Variants in ANXA4 observed in about 807,000 individuals in gnomAD.
ANXA4 encodes the protein annexin A4, also known as 35-beta calcimedin.
In ANXA4, 39 loss-of-function variants were observed where a neutral mutation model predicts 49.8. The observed-to-expected ratio is 0.78, with a 90% CI of 0.61 to 1.02. ANXA4 has a LOEUF of 1.02. Among genes scored for constraint, ANXA4 ranks in the 50% least tolerant of loss-of-function variants. ANXA4 has a pLI of 0.00. For missense variants in ANXA4, 360 were observed against 410.1 expected (o/e 0.88, Z 1.05); for synonymous variants, 134 against 152.5 (o/e 0.88, Z 0.89).
intron 4 of ANXA4, 144 bp from the exon 5 acceptor site, chr2:69,806,241 T>A: frequency 1.7e-6 from 1 of 605,030 alleles, no homozygotes; most frequent in East Asian, 2.8e-5. Context: ...GCAAATAACA[T>A]CTGAGTGTTA....
chr2:69,815,765 C>G, intron 8 of ANXA4: 1 of 233,012 alleles, frequency 4.3e-6, no homozygotes. Context: ...TATTTAATTT[C>G]AATTAACATT....
intron 3 of ANXA4, among the ~76,000 whole-genome samples, chr2:69,723,015 AC>A: frequency 7.6e-6 from 1 of 131,686 alleles, no homozygotes; most frequent in South Asian, 2.3e-4. Flanking sequence ...TACTAAAAAT[AC>A]CAAAAAATAT....
At chr2:69,799,326 TATTAAGACCCACTG>T (rs1206478754) in intron 3 of ANXA4, among the ~76,000 whole-genome samples, 1 of 152,182 alleles carries the variant, frequency 6.6e-6, no homozygotes, top group African/African-American at 2.4e-5. Context: ...GGAATGTGCT[TATTAAGACCCACTG>T]TTTTACTGGG....
chr2:69,781,520 A>G lies in ANXA4; in HGVS notation c.-46A>G. 6.2e-7 allele frequency: 1 copy of G among 1,612,802 alleles called. No individual in the cohort carries two copies. Among genetic ancestry groups the G allele is most frequent in the Non-Finnish European group, 8.5e-7 (1 of 1,179,020 alleles). ...AATTTCCCCTCTGCTTTTATCACAGAAGAACTTCTGCTTGGGTGGCTGAAC... is the reference window on the plus strand; with the variant it reads ...AATTTCCCCTCTGCTTTTATCACAGGAGAACTTCTGCTTGGGTGGCTGAAC... On this transcript the variant is annotated splice_region_variant and 5_prime_UTR_variant, in exon 2 of 13. Transcript: ENST00000394295.
At chr2:69,678,719 C>A (rs533517465) in intron 2 of ANXA4, among the ~76,000 whole-genome samples, 1 of 152,116 alleles carries the variant, frequency 6.6e-6, no homozygotes, top group Non-Finnish European at 1.5e-5. Flanking sequence ...TTTCTACTTT[C>A]AACAGAAATA....
intron 2 of ANXA4, among the ~76,000 whole-genome samples, chr2:69,657,207 C>G (rs1676537395): frequency 1.3e-5 from 2 of 152,002 alleles, no homozygotes; most frequent in South Asian, 2.1e-4. Flanking sequence ...TTTGGCCAGG[C>G]TGGTCTCAAA....
chr2:69,751,162 C>A (rs1670824861), intron 1 of ANXA4, among the ~76,000 whole-genome samples: 2 of 151,732 alleles, frequency 1.3e-5, no homozygotes, highest in Admixed American at 6.6e-5. Flanking sequence ...ACGAGCTTCA[C>A]AGCCAGGATT....
intron 2 of ANXA4, among the ~76,000 whole-genome samples, chr2:69,714,349 C>G (rs1478155256): frequency 7.0e-6 from 1 of 142,136 alleles, no homozygotes; most frequent in Non-Finnish European, 1.6e-5. Context: ...CGGTGAGGAC[C>G]AAATGCATCC....
chr2:69,696,412 T>G (rs1678161553), intron 2 of ANXA4, among the ~76,000 whole-genome samples: 1 of 152,192 alleles, frequency 6.6e-6, no homozygotes, highest in Non-Finnish European at 1.5e-5. Context: ...CTCTTGCTAT[T>G]TTCACCACAT....
At position 69,656,195 on chromosome 2, in the gene ANXA4, A is replaced by G. The variant is rs576540712; in HGVS notation, n.766+2913A>G. 7.3e-3 allele frequency among the ~76,000 whole-genome samples: 1,019 copies of G among 139,302 alleles called. 16 individuals are homozygous for G. The highest frequency in any genetic ancestry group is 0.011 in the Middle Eastern group (3 of 280). 91.4% of individuals were successfully genotyped at this position (139,302 alleles called of 152,430 possible). ...ATAATTAAAATATATATACGTATAT[A>G]TATATATATACACACACATATATAT... On this transcript the variant is annotated intron_variant and non_coding_transcript_variant, in intron 2 of 3. Transcript: ENST00000418066.
At chr2:69,790,710 A>C (rs2103723360) in intron 3 of ANXA4, among the ~76,000 whole-genome samples, 1 of 152,252 alleles carries the variant, frequency 6.6e-6, no homozygotes, top group East Asian at 1.9e-4. Context: ...ATTGCCCAGA[A>C]CTAGAACATG....
At chr2:69,702,235 A>T (rs1384858940) in intron 2 of ANXA4, among the ~76,000 whole-genome samples, 1 of 150,808 alleles carries the variant, frequency 6.6e-6, no homozygotes, top group African/African-American at 2.4e-5. Context: ...CTGGTGTTGA[A>T]CTCCTGACCT....
intron 1 of ANXA4, among the ~76,000 whole-genome samples, chr2:69,763,877 G>T (rs1380313312): frequency 6.6e-6 from 1 of 151,956 alleles, no homozygotes; most frequent in Non-Finnish European, 1.5e-5. Context: ...TGGTCAGGCT[G>T]GTCTCAAACT....
intron 3 of ANXA4, among the ~76,000 whole-genome samples, chr2:69,795,483 G>A (rs935330456): frequency 6.6e-6 from 1 of 152,174 alleles, no homozygotes; most frequent in Non-Finnish European, 1.5e-5. Flanking sequence ...TCCCCATTGG[G>A]TTTTTATGCT....
chr2:69,690,068 T>C (rs939560086), intron 2 of ANXA4, among the ~76,000 whole-genome samples: 1 of 152,216 alleles, frequency 6.6e-6, no homozygotes, highest in African/African-American at 2.4e-5. Context: ...CCTCGTTCTT[T>C]TTTACAGCTG....
chr2:69,662,294 T>A (rs1004990557), intron 2 of ANXA4, among the ~76,000 whole-genome samples: 2 of 152,204 alleles, frequency 1.3e-5, no homozygotes, highest in Admixed American at 1.3e-4. Context: ...GAAAGGATAC[T>A]CCAAGACATC....
intron 3 of ANXA4, among the ~76,000 whole-genome samples, chr2:69,723,680 C>A (rs574771993): frequency 6.6e-5 from 10 of 152,346 alleles, no homozygotes; most frequent in African/African-American, 1.9e-4. Context: ...ACACTACAGT[C>A]TTTTATGACA....
intron 2 of ANXA4, among the ~76,000 whole-genome samples, chr2:69,662,997 T>C (rs990804656): frequency 4.1e-5 from 6 of 145,522 alleles, no homozygotes; most frequent in Non-Finnish European, 7.5e-5. Flanking sequence ...TTTTTCTTTT[T>C]TTTTTTTTTT....
chr2:69,825,083 A>C (rs1007767273), intron 12 of ANXA4, among the ~76,000 whole-genome samples: 2 of 150,414 alleles, frequency 1.3e-5, no homozygotes, highest in Admixed American at 1.3e-4. Flanking sequence ...AAAAAAAAAA[A>C]AAAAAAACCA....
Sources: gnomAD v4.1 joint callset for allele counts (sites outside exome capture counted in the v4.1 genomes callset) on GRCh38, gnomAD v4.1.1 for gene constraint, MANE v1.5 for transcripts, NCBI Gene and HGNC (gene_info 2026-07-23, HGNC 2026-07-21) for gene names.